The following ZNF578 variants were observed in gnomAD, a reference collection of about 807,000 sequenced individuals.
ZNF578 encodes the protein Putative chemokine-related protein B42.
ZNF578 carries 8 observed loss-of-function variants against 8.3 expected under a neutral mutation model. The observed-to-expected ratio is 0.96, with a 90% CI of 0.56 to 1.74. The LOEUF (loss-of-function observed/expected upper bound fraction) is 1.74, where lower values mean the gene tolerates loss of function less well. ZNF578 is among the 40% of genes most tolerant of loss of function. The pLI is 0.00. For synonymous variants in ZNF578, 206 were observed against 232.2 expected (o/e 0.89, Z 1.03); for missense variants, 726 against 707.5 (o/e 1.03, Z -0.30).
chr19:52,464,930 G>A (rs1439841941), intron 2 of ZNF578, among the ~76,000 whole-genome samples: 3 of 152,168 alleles, frequency 2.0e-5, no homozygotes, highest in Non-Finnish European at 2.9e-5. Flanking sequence ...CCCGTCTTTA[G>A]GGATCATGGT....
chr19:52,472,163 G>A (rs963446961), intron 2 of ZNF578, among the ~76,000 whole-genome samples: 16 of 152,140 alleles, frequency 1.1e-4, no homozygotes, highest in African/African-American at 3.4e-4. Flanking sequence ...GGCTAAGGCG[G>A]GTAGATCACC....
In ZNF578 at chr19:52,514,544, T is replaced by A. The variant is rs1248712993; in HGVS notation, c.*2390T>A. Among the ~76,000 whole-genome samples, 2 of 152,242 alleles carry A rather than the reference T, an allele frequency of 1.3e-5. No homozygotes were observed. Among genetic ancestry groups the A allele is most frequent in the Non-Finnish European group, 2.9e-5 (2 of 68,044 alleles). ...AGTTTTCTTTCCTTATGTCATTTTT[T>A]AAAATCTTGAGCTGGGAGCTATTTA... On this transcript the variant is annotated 3_prime_UTR_variant, in exon 6 of 6. Coordinates refer to ENST00000421239, the MANE Select transcript of ZNF578 (RefSeq NM_001099694.2).
intron 5 of ZNF578, among the ~76,000 whole-genome samples, chr19:52,508,772 G>A (rs2059434097): frequency 6.8e-6 from 1 of 147,710 alleles, no homozygotes. Context: ...TGCAGCCTGG[G>A]CAACAAGAGT....
chr19:52,500,111 G>A (rs142404948), intron 3 of ZNF578, among the ~76,000 whole-genome samples: 1,549 of 152,198 alleles, frequency 0.01, 15 homozygotes, highest in Non-Finnish European at 0.016. Context: ...CATCTTCTCC[G>A]GGTCTCCTTT....
At chr19:52,509,225 TA>T (rs2059436030) in intron 5 of ZNF578, among the ~76,000 whole-genome samples, 1 of 152,072 alleles carries the variant, frequency 6.6e-6, no homozygotes, top group African/African-American at 2.4e-5. Flanking sequence ...TTATTCCTTA[TA>T]ATGCTGTGTA....
chr19:52,471,399 T>C (rs1309360295), intron 2 of ZNF578, among the ~76,000 whole-genome samples: 2 of 152,176 alleles, frequency 1.3e-5, no homozygotes, highest in Non-Finnish European at 2.9e-5. Flanking sequence ...AAACTCCCTT[T>C]TATATATACA....
intron 2 of ZNF578, among the ~76,000 whole-genome samples, chr19:52,470,597 A>T (rs1194490944): frequency 6.6e-6 from 1 of 152,160 alleles, no homozygotes; most frequent in Non-Finnish European, 1.5e-5. Context: ...GCCCACCCTC[A>T]GTGTGGGTGG....
chr19:52,482,442 C>T (rs111285685), intron 2 of ZNF578, among the ~76,000 whole-genome samples: 31,389 of 151,980 alleles, frequency 0.21, 5,384 homozygotes, highest in African/African-American at 0.48. Flanking sequence ...TCGAGACCAG[C>T]GTGGCCAACA....
At chr19:52,461,262 AAATCAGAAGTATTTCC>A in intron 2 of ZNF578, among the ~76,000 whole-genome samples, 1 of 152,326 alleles carries the variant, frequency 6.6e-6, no homozygotes, top group Admixed American at 6.5e-5. Context: ...ATTTACGCAG[AAATCAGAAGTATTTCC>A]AATCACATTA....
At chr19:52,489,631 C>G (rs1186746320) in intron 2 of ZNF578, among the ~76,000 whole-genome samples, 2 of 151,864 alleles carry the variant, frequency 1.3e-5, no homozygotes, top group Non-Finnish European at 2.9e-5. Flanking sequence ...AAAAGCACTG[C>G]TCCTATTCAC....
intron 2 of ZNF578, among the ~76,000 whole-genome samples, chr19:52,490,279 TAGTC>T (rs373143048): frequency 2.3e-4 from 35 of 152,340 alleles, no homozygotes; most frequent in Middle Eastern, 3.4e-3. Flanking sequence ...CTGACACTGT[TAGTC>T]AGTTCTTATT....
intron 1 of ZNF578, chr19:52,456,595 C>T (rs571377819): frequency 3.9e-5 from 6 of 152,376 alleles, no homozygotes; most frequent in African/African-American, 1.4e-4. Context: ...CCCAGCACCC[C>T]ACAGCTGCAG....
At chr19:52,465,131 G>A (rs324114) in intron 2 of ZNF578, among the ~76,000 whole-genome samples, 145,392 of 152,318 alleles carry the variant, frequency 0.95, 69,669 homozygotes, top group African/African-American at 0.99. Flanking sequence ...TCCCCCAACT[G>A]TTCCTTGCAG....
rs2059453135 is a variant in ZNF578 at position 52,512,485 on chromosome 19, T to C, written c.*331T>C. 4.2e-6 allele frequency: 5 copies of C among 1,199,512 alleles called. No homozygotes were observed. The highest frequency in any genetic ancestry group is 4.8e-6 in the Non-Finnish European group (4 of 835,532). 74.3% of individuals were successfully genotyped at this position (1,199,512 alleles called of 1,614,324 possible). Reference sequence around the variant, plus strand: ...TCGTTCATACCTTGCAGTTCATCAGTGAACTCATACTGGAGAGAAACCTTA... The same window carrying C: ...TCGTTCATACCTTGCAGTTCATCAGCGAACTCATACTGGAGAGAAACCTTA... On this transcript the variant is annotated 3_prime_UTR_variant, in exon 6 of 6. Coordinates refer to ENST00000421239, the MANE Select transcript of ZNF578 (RefSeq NM_001099694.2).
chr19:52,494,719 G>A (rs955440225), intron 3 of ZNF578, among the ~76,000 whole-genome samples: 15 of 152,152 alleles, frequency 9.9e-5, no homozygotes, highest in African/African-American at 3.6e-4. Context: ...TCAGCCCGCG[G>A]GCAGTGACAT....
chr19:52,506,720 C>T lies in ZNF578; in HGVS notation c.190+1939C>T, dbSNP rs536728409. ...CTGCTGATCTCTTGATCCACCTGCC[C>T]ATTATGCCTGGCGCAAGCCTGGCTA... On this transcript the variant is annotated intron_variant, in intron 5 of 5. Transcript: ENST00000421239. Among the ~76,000 whole-genome samples, 6 of 152,230 alleles carry T rather than the reference C, an allele frequency of 3.9e-5. No individual in the cohort carries two copies. In the South Asian group the frequency reaches 1.2e-3, roughly 32 times the overall value.
intron 2 of ZNF578, among the ~76,000 whole-genome samples, chr19:52,480,924 A>AATAAT (rs1271724833): frequency 1.4e-5 from 2 of 148,116 alleles, no homozygotes; most frequent in Non-Finnish European, 3.0e-5. Context: ...TAATAATAAT[A>AATAAT]ATAATAATAA....
At chr19:52,497,028 G>T in intron 3 of ZNF578, among the ~76,000 whole-genome samples, 1 of 152,108 alleles carries the variant, frequency 6.6e-6, no homozygotes, top group Admixed American at 6.6e-5. Context: ...AACCTCCTGG[G>T]CTCAAGTGAT....
intron 2 of ZNF578, among the ~76,000 whole-genome samples, chr19:52,486,658 A>C (rs941950548): frequency 6.6e-6 from 1 of 152,030 alleles, no homozygotes; most frequent in Admixed American, 6.6e-5. Context: ...CAAGGAGAAC[A>C]GAGGGAGAAA....
Sources: allele counts gnomAD v4.1 joint callset (sites outside exome capture counted in the v4.1 genomes callset), GRCh38; gene constraint gnomAD v4.1.1; transcripts MANE v1.5; gene names NCBI Gene and HGNC (gene_info 2026-07-23, HGNC 2026-07-21).